The following RIT2 variants were observed in gnomAD, a reference collection of about 807,000 sequenced individuals.
RIT2 encodes GTP-binding protein Rit2.
Under a neutral mutation model 23.7 loss-of-function variants are expected in RIT2, and 24 were observed. The ratio of observed to expected loss-of-function variants is 1.01; its 90% CI spans 0.73 to 1.43. The LOEUF (loss-of-function observed/expected upper bound fraction) is 1.43, where lower values mean the gene tolerates loss of function less well. Among genes scored for constraint, RIT2 ranks in the 40% most tolerant of loss-of-function variants. RIT2 has a pLI of 0.00. For missense variants in RIT2, 236 were observed against 266.9 expected, an observed-to-expected ratio of 0.88 and a Z score of 0.81; for synonymous variants, 107 against 91.1, an observed-to-expected ratio of 1.17 and a Z score of -0.99.
At chr18:42,955,035 A>C (rs1396640197) in intron 3 of RIT2, among the ~76,000 whole-genome samples, 1 of 152,168 alleles carries the variant, frequency 6.6e-6, no homozygotes, top group Non-Finnish European at 1.5e-5. Context: ...TGGTGTCTCC[A>C]TGCAGATATG....
intron 4 of RIT2, among the ~76,000 whole-genome samples, chr18:42,821,932 A>G (rs1037474749): frequency 2.0e-5 from 3 of 152,152 alleles, no homozygotes; most frequent in African/African-American, 7.2e-5. Flanking sequence ...GGTAACTGTG[A>G]CCATTGAAAA....
chr18:43,105,490 G>C (rs4890427), intron 1 of RIT2, among the ~76,000 whole-genome samples: 1 of 118,238 alleles, frequency 8.5e-6, no homozygotes, highest in African/African-American at 3.3e-5. Flanking sequence ...GGGAGGAAGG[G>C]AGGAAGAAAG....
chr18:43,074,717 TAAA>T (rs1469547763), intron 1 of RIT2, among the ~76,000 whole-genome samples: 1 of 152,128 alleles, frequency 6.6e-6, no homozygotes, highest in African/African-American at 2.4e-5. Context: ...GATGCAGCCA[TAAA>T]AAGGAATGAG....
chr18:42,996,883 G>A (rs555406377), intron 2 of RIT2, among the ~76,000 whole-genome samples: 3 of 152,214 alleles, frequency 2.0e-5, no homozygotes, highest in Non-Finnish European at 4.4e-5. Flanking sequence ...CAACAACCTG[G>A]TCATCCCTAT....
intron 4 of RIT2, among the ~76,000 whole-genome samples, chr18:42,771,515 A>G (rs1207557010): frequency 6.6e-6 from 1 of 152,174 alleles, no homozygotes; most frequent in Non-Finnish European, 1.5e-5. Flanking sequence ...CTCTCTGAGC[A>G]TCAGTTTAGC....
At chr18:42,746,666 T>G (rs1912923211) in intron 4 of RIT2, among the ~76,000 whole-genome samples, 1 of 152,062 alleles carries the variant, frequency 6.6e-6, no homozygotes, top group African/African-American at 2.4e-5. Context: ...TTGAAAGAAC[T>G]GGTAACAATC....
chr18:42,898,734 A>G (rs765781621), intron 4 of RIT2, among the ~76,000 whole-genome samples: 13 of 152,138 alleles, frequency 8.5e-5, no homozygotes, highest in Non-Finnish European at 1.3e-4. Flanking sequence ...CCTTTTAGTT[A>G]TCTTCGATCT....
chr18:42,943,596 T>C (rs1295946681), intron 3 of RIT2, among the ~76,000 whole-genome samples: 1 of 152,188 alleles, frequency 6.6e-6, no homozygotes, highest in Non-Finnish European at 1.5e-5. Flanking sequence ...AATGTATGCA[T>C]ATCTCACATT....
intron 3 of RIT2, among the ~76,000 whole-genome samples, chr18:42,972,742 CT>C (rs1241185686): frequency 1.3e-5 from 2 of 151,666 alleles, no homozygotes; most frequent in Non-Finnish European, 3.0e-5. Flanking sequence ...AATAATCAAT[CT>C]TTTACAGACT....
At chr18:43,093,607 G>A (rs1913476698) in intron 1 of RIT2, among the ~76,000 whole-genome samples, 1 of 151,992 alleles carries the variant, frequency 6.6e-6, no homozygotes, top group Non-Finnish European at 1.5e-5. Context: ...TGGAGGTGAT[G>A]AAACCTATCA....
intron 4 of RIT2, among the ~76,000 whole-genome samples, chr18:42,922,130 A>G (rs1454553457): frequency 2.6e-5 from 4 of 152,152 alleles, no homozygotes; most frequent in Non-Finnish European, 5.9e-5. Context: ...ATTCTCAAGT[A>G]AAATATACAA....
At chr18:42,778,391 C>T (rs1054668507) in intron 4 of RIT2, among the ~76,000 whole-genome samples, 1 of 152,112 alleles carries the variant, frequency 6.6e-6, no homozygotes, top group African/African-American at 2.4e-5. Flanking sequence ...AATCTATTAA[C>T]TCTGTAAAAG....
In RIT2 at chr18:43,105,294, A is replaced by G. The variant is rs150241935; in HGVS notation, c.103+10123T>C. On this transcript the variant is annotated intron_variant, in intron 1 of 4. Coordinates refer to ENST00000326695, the MANE Select transcript of RIT2 (RefSeq NM_002930.4). Reference sequence around the variant, plus strand: ...TCAATATAAGGATCTAGAGAGCAAGAACAAGAATAGAGCAGGTGCATATAC... The same window carrying G: ...TCAATATAAGGATCTAGAGAGCAAGGACAAGAATAGAGCAGGTGCATATAC... Among the ~76,000 whole-genome samples the G allele has an allele frequency of 1.8e-3, 281 of 152,274 alleles. 1 individual carries two copies. Among genetic ancestry groups the G allele is most frequent in the African/African-American group, 6.4e-3 (267 of 41,540 alleles).
chr18:42,988,416 T>C (rs183848174), intron 2 of RIT2, among the ~76,000 whole-genome samples: 11 of 152,300 alleles, frequency 7.2e-5, no homozygotes, highest in African/African-American at 2.2e-4. Context: ...TAATGACAAT[T>C]TCTAGATAAT....
intron 1 of RIT2, among the ~76,000 whole-genome samples, chr18:43,040,923 C>G (rs1031878263): frequency 6.6e-6 from 1 of 151,934 alleles, no homozygotes; most frequent in Non-Finnish European, 1.5e-5. Flanking sequence ...TGAATAAGCC[C>G]CTTTTAATTT....
intron 4 of RIT2, among the ~76,000 whole-genome samples, chr18:42,882,854 A>T (rs145579587): frequency 6.6e-6 from 1 of 152,326 alleles, no homozygotes; most frequent in African/African-American, 2.4e-5. Context: ...CTAGTAAACT[A>T]TGAAAAATTA....
chr18:42,898,119 C>T (rs972253010), intron 4 of RIT2, among the ~76,000 whole-genome samples: 3 of 152,034 alleles, frequency 2.0e-5, no homozygotes, highest in Non-Finnish European at 1.5e-5. Context: ...AAAGTGTGGG[C>T]GGCCGGGCAC....
At chr18:42,744,081 C>G (rs1321997230) in intron 4 of RIT2, among the ~76,000 whole-genome samples, 2 of 152,020 alleles carry the variant, frequency 1.3e-5, no homozygotes, top group African/African-American at 4.8e-5. Flanking sequence ...TCAAAAAGCT[C>G]CCCCACTGAG....
chr18:43,076,540 G>A (rs1436441757), intron 1 of RIT2, among the ~76,000 whole-genome samples: 2 of 151,940 alleles, frequency 1.3e-5, no homozygotes, highest in Non-Finnish European at 2.9e-5. Context: ...AAAAAAAAAG[G>A]TATAATATGA....
Sources: allele counts gnomAD v4.1 joint callset (sites outside exome capture counted in the v4.1 genomes callset), GRCh38; gene constraint gnomAD v4.1.1; transcripts MANE v1.5; gene names NCBI Gene and HGNC (gene_info 2026-07-23, HGNC 2026-07-21).